Variants in DLC1 observed in about 807,000 individuals in gnomAD.
The protein encoded by DLC1 is DLC1 Rho GTPase activating protein, also known as rho GTPase-activating protein 7.
A neutral mutation model predicts 140.3 loss-of-function variants in DLC1; 54 were observed. The observed-to-expected ratio is 0.38, with a 90% confidence interval of 0.31 to 0.48. The LOEUF (loss-of-function observed/expected upper bound fraction) is 0.48. DLC1 is among the 20% of genes least tolerant of loss of function. DLC1 has a pLI of 0.96. For missense variants in DLC1, 2,536 were observed against 1,907.0 expected, an observed-to-expected ratio of 1.33 and a Z score of -6.14; for synonymous variants, 986 against 728.1, an observed-to-expected ratio of 1.35 and a Z score of -5.70.
intron 5 of DLC1, among the ~76,000 whole-genome samples, chr8:13,124,133 G>T (rs1213128949): frequency 6.6e-6 from 1 of 152,158 alleles, no homozygotes; most frequent in Non-Finnish European, 1.5e-5. Flanking sequence ...CTATTCTCAT[G>T]CATAGTTTTT....
intron 1 of DLC1, among the ~76,000 whole-genome samples, chr8:13,550,827 G>C (rs1789112978): frequency 6.6e-6 from 1 of 152,070 alleles, no homozygotes; most frequent in Non-Finnish European, 1.5e-5. Context: ...CTCTGGCTCA[G>C]ATTCTTGAAG....
intron 5 of DLC1, among the ~76,000 whole-genome samples, chr8:13,116,674 C>G (rs547132887): frequency 1.3e-5 from 2 of 152,284 alleles, no homozygotes; most frequent in Middle Eastern, 3.4e-3. Flanking sequence ...TTTCAAAGCA[C>G]TTTTTCACCT....
In DLC1 at chr8:13,145,693, A is replaced by G. The variant is rs183349996; in HGVS notation, c.1349-30036T>C. On this transcript the variant is annotated intron_variant, in intron 5 of 17. Transcript: ENST00000276297. ...AGTGGAATATTACACAGCAGTGAAA[A>G]TAAATGAGCATAGCTACATGCAACA... Among the ~76,000 whole-genome samples the G allele has an allele frequency of 1.3e-4, 20 of 152,396 alleles. No individual in the cohort carries two copies. In the South Asian group the frequency reaches 3.5e-3, roughly 27 times the overall value.
At chr8:13,130,728 T>C (rs771619459) in intron 5 of DLC1, among the ~76,000 whole-genome samples, 22 of 152,328 alleles carry the variant, frequency 1.4e-4, no homozygotes, top group Non-Finnish European at 2.5e-4. Flanking sequence ...CAAAACCACT[T>C]TTCTCACCCA....
chr8:13,416,953 G>C (rs1838094074), intron 2 of DLC1, among the ~76,000 whole-genome samples: 1 of 151,786 alleles, frequency 6.6e-6, no homozygotes, highest in African/African-American at 2.4e-5. Flanking sequence ...ATGTGCCTTT[G>C]TTAAAGTACT....
rs1224566323 is a variant in DLC1, at chr8:13,401,240, T to A, written c.1173+230A>T. Among the ~76,000 whole-genome samples the A allele has an allele frequency of 2.6e-5, 4 of 152,248 alleles. No individual in the cohort carries two copies. In the East Asian group the frequency reaches 7.7e-4, roughly 29 times the overall value. ...TAAGGTGACTTTCCTTCCTGTTTAA[T>A]GATAAACAAGTTCTTTTGTATCACC... On this transcript the variant is annotated intron_variant, in intron 3 of 17. Transcript: ENST00000276297.
chr8:13,296,770 A>G (rs550184876), intron 5 of DLC1, among the ~76,000 whole-genome samples: 1 of 151,964 alleles, frequency 6.6e-6, no homozygotes, highest in South Asian at 2.1e-4. Context: ...ACAGAAATAC[A>G]TCACAGAAAA....
chr8:13,104,403 A>C (rs1293010766), intron 7 of DLC1, among the ~76,000 whole-genome samples: 1 of 152,166 alleles, frequency 6.6e-6, no homozygotes, highest in Non-Finnish European at 1.5e-5. Context: ...CAGTTGAAAA[A>C]AGAAACACTT....
chr8:13,202,209 G>T lies in DLC1; in HGVS notation c.1349-86552C>A, dbSNP rs182119082. On this transcript the variant is annotated intron_variant, in intron 5 of 17. Coordinates refer to ENST00000276297, the MANE Select transcript of DLC1 (RefSeq NM_182643.3). ...TCCACCGGCCTCGGCCTCCTAAAGT[G>T]CTGGGATTACAGGTGTGAGCCGCTG... 3.3e-3 allele frequency among the ~76,000 whole-genome samples: 505 copies of T among 152,224 alleles called. 4 individuals carry two copies. Among genetic ancestry groups the T allele is most frequent in the Admixed American group, 5.1e-3 (78 of 15,290 alleles).
chr8:13,475,971 A>G (rs1199086226), intron 2 of DLC1, among the ~76,000 whole-genome samples: 1 of 152,208 alleles, frequency 6.6e-6, no homozygotes, highest in Non-Finnish European at 1.5e-5. Flanking sequence ...TTCTCCACTG[A>G]ATACTGAACC....
At chr8:13,393,812 A>G in intron 3 of DLC1, 119 bp from the exon 4 acceptor site, 8 of 1,201,388 alleles carry the variant, frequency 6.7e-6, no homozygotes, top group Non-Finnish European at 8.1e-6. Flanking sequence ...TACACTAAAG[A>G]GTTGCTGACA....
At chr8:13,303,676 C>T (rs909596922) in intron 5 of DLC1, among the ~76,000 whole-genome samples, 1 of 151,966 alleles carries the variant, frequency 6.6e-6, no homozygotes, top group Non-Finnish European at 1.5e-5. Context: ...GTGGCGCAGG[C>T]ATGTAATCCC....
At chr8:13,145,785 T>C (rs945950812) in intron 5 of DLC1, among the ~76,000 whole-genome samples, 2 of 152,216 alleles carry the variant, frequency 1.3e-5, no homozygotes, top group African/African-American at 4.8e-5. Context: ...GCTTACATAA[T>C]TTTCAATTTA....
At chr8:13,566,863 T>C in intron 1 of DLC1, 1 of 1,238,664 alleles carries the variant, frequency 8.1e-7, no homozygotes, top group Non-Finnish European at 1.1e-6. Flanking sequence ...GGAAGGCGTC[T>C]CCCGGAAGAC....
intron 5 of DLC1, among the ~76,000 whole-genome samples, chr8:13,155,981 A>G (rs1824221451): frequency 6.6e-6 from 1 of 152,144 alleles, no homozygotes; most frequent in African/African-American, 2.4e-5. Context: ...CATTTGAAAA[A>G]AATCTGTTCT....
At chr8:13,221,959 A>T (rs1828579263) in intron 5 of DLC1, among the ~76,000 whole-genome samples, 4 of 145,330 alleles carry the variant, frequency 2.8e-5, no homozygotes. Flanking sequence ...TATATTTTAT[A>T]TAACATATAT....
chr8:13,188,841 ATATTTTTTT>A (rs1563149874), intron 5 of DLC1, among the ~76,000 whole-genome samples: 6 of 26,690 alleles, frequency 2.2e-4, no homozygotes, highest in African/African-American at 7.2e-4. Context: ...ATATATATAT[ATATTTTTTT>A]TTTTTTTTTT....
intron 1 of DLC1, among the ~76,000 whole-genome samples, chr8:13,529,813 C>T (rs530398502): frequency 1.3e-5 from 2 of 152,252 alleles, no homozygotes; most frequent in Middle Eastern, 3.4e-3. Flanking sequence ...ATTTGTTACT[C>T]TCCTGCATAC....
At chr8:13,359,165 TC>T (rs1347363718) in intron 4 of DLC1, among the ~76,000 whole-genome samples, 1 of 152,190 alleles carries the variant, frequency 6.6e-6, no homozygotes, top group East Asian at 1.9e-4. Flanking sequence ...GGTCTCGATC[TC>T]CTGACCTCGT....
Sources: allele counts gnomAD v4.1 joint callset (sites outside exome capture counted in the v4.1 genomes callset), GRCh38; gene constraint gnomAD v4.1.1; transcripts MANE v1.5; gene names NCBI Gene and HGNC (gene_info 2026-07-23, HGNC 2026-07-21).